The following GNB5 variants were observed in gnomAD, a reference collection of about 807,000 sequenced individuals.
GNB5 encodes G protein subunit beta 5.
In GNB5, 37 loss-of-function variants were observed where a neutral mutation model predicts 55.3. The ratio of observed to expected loss-of-function variants is 0.67; its 90% confidence interval spans 0.51 to 0.88. The LOEUF is 0.88. GNB5 is among the 40% of genes least tolerant of loss of function. GNB5 has a pLI of 0.00. For synonymous variants in GNB5, 219 were observed against 198.5 expected, an observed-to-expected ratio of 1.10 and a Z score of -0.87; for missense variants, 476 against 515.3, an observed-to-expected ratio of 0.92 and a Z score of 0.74.
At chr15:52,149,803 G>A in intron 5 of GNB5, 81 bp downstream of exon 5, 1 of 1,011,258 alleles carries the variant, frequency 9.9e-7, no homozygotes, top group South Asian at 1.3e-5. Context: ...ATCAGGACAG[G>A]GCCGGGCAGC....
At chr15:52,162,653 C>T (rs979275626) in intron 3 of GNB5, 6 of 151,896 alleles carry the variant, frequency 4.0e-5, no homozygotes, top group African/African-American at 1.5e-4. Flanking sequence ...TTAAAGGAAT[C>T]AAGGAGAAAA....
chr15:52,157,786 A>T (rs958408049), intron 3 of GNB5, among the ~76,000 whole-genome samples: 5 of 151,482 alleles, frequency 3.3e-5, no homozygotes, highest in African/African-American at 1.2e-4. Flanking sequence ...TTCTCACTAC[A>T]TTTTTTCTTC....
At chr15:52,137,665 T>C (rs996467556) in intron 7 of GNB5, 3 of 1,164,404 alleles carry the variant, frequency 2.6e-6, no homozygotes, top group Non-Finnish European at 2.2e-6. Context: ...TCACTGCCAG[T>C]GTGTATGAGG....
chr15:52,170,934 T>TAA (rs35962330), intron 3 of GNB5, among the ~76,000 whole-genome samples: 1 of 147,190 alleles, frequency 6.8e-6, no homozygotes, highest in African/African-American at 2.5e-5. Context: ...GGCTAAACTA[T>TAA]AAAAAAAAAA....
chr15:52,124,648 A>G lies in GNB5; in HGVS notation c.1010-9T>C. On this transcript the variant is annotated splice_polypyrimidine_tract_variant and intron_variant, in intron 11 of 12. Coordinates refer to ENST00000261837, the MANE Select transcript of GNB5 (RefSeq NM_016194.4). ...AGCAAACAGCAGGCGACCTTGAAGC[A>G]GGGTGAGATGATAGCTGTTAAGCCA... 3 of 1,612,336 alleles carry G rather than the reference A, an allele frequency of 1.9e-6. No homozygotes were observed. The highest frequency in any genetic ancestry group is 2.5e-6 in the Non-Finnish European group (3 of 1,178,712).
chr15:52,125,525 C>T (rs1367106022), intron 11 of GNB5: 6 of 154,370 alleles, frequency 3.9e-5, no homozygotes, highest in African/African-American at 1.4e-4. Context: ...CAAGTGATCG[C>T]CTGTCTCGGC....
intron 7 of GNB5, 198 bp from the exon 8 acceptor site, chr15:52,135,954 A>T: frequency 1.9e-6 from 1 of 521,924 alleles, no homozygotes; most frequent in East Asian, 3.7e-5. Flanking sequence ...AGAAGGAAAG[A>T]GTGCATTTCC....
chr15:52,139,765 C>G, intron 7 of GNB5: 1 of 1,200,328 alleles, frequency 8.3e-7, no homozygotes, highest in Non-Finnish European at 1.1e-6. Context: ...TGTGACTTCC[C>G]TTTATCTCCG....
intron 6 of GNB5, among the ~76,000 whole-genome samples, chr15:52,146,981 G>A (rs2033990732): frequency 6.6e-6 from 1 of 152,042 alleles, no homozygotes; most frequent in African/African-American, 2.4e-5. Flanking sequence ...CCTGGATGTG[G>A]AGTCACCAGA....
At chr15:52,129,119 C>T (rs551260821) in intron 9 of GNB5, among the ~76,000 whole-genome samples, 1 of 152,124 alleles carries the variant, frequency 6.6e-6, no homozygotes, top group East Asian at 1.9e-4. Context: ...CTATGCCTGG[C>T]TAATTTTTGT....
At position 52,157,055 on chromosome 15, in the gene GNB5, C is replaced by A. The variant is rs566371233; in HGVS notation, c.239-2979G>T. 1.5e-4 allele frequency among the ~76,000 whole-genome samples: 22 copies of A among 151,046 alleles called. No homozygotes were observed. In the East Asian group the frequency reaches 4.1e-3, roughly 28 times the overall value. On this transcript the variant is annotated intron_variant, in intron 3 of 12. Transcript: ENST00000261837. ...GGTTCACGCCATTCTCCTGCCTCAGCCTCCCAAGTAGCTAGGACTACAGGC... is the reference window on the plus strand; with the variant it reads ...GGTTCACGCCATTCTCCTGCCTCAGACTCCCAAGTAGCTAGGACTACAGGC...
chr15:52,123,550 T>TG (rs1246155308), intron 12 of GNB5: 1 of 152,110 alleles, frequency 6.6e-6, no homozygotes, highest in East Asian at 1.9e-4. Context: ...CTACTTTTTT[T>TG]TTTTTTTTTT....
intron 3 of GNB5, among the ~76,000 whole-genome samples, chr15:52,168,068 G>A (rs2034484078): frequency 6.6e-6 from 1 of 152,172 alleles, no homozygotes; most frequent in East Asian, 1.9e-4. Flanking sequence ...GCAAAAGCTG[G>A]AAGCATTCCC....
chr15:52,160,050 C>T lies in GNB5; in HGVS notation c.239-5974G>A, dbSNP rs995515376. 1.5e-4 allele frequency among the ~76,000 whole-genome samples: 22 copies of T among 151,500 alleles called. 1 individual carries two copies. The highest frequency in any genetic ancestry group is 6.3e-3 in the Middle Eastern group (2 of 316). On this transcript the variant is annotated intron_variant, in intron 3 of 12. Coordinates refer to ENST00000261837, the MANE Select transcript of GNB5 (RefSeq NM_016194.4). Reference sequence around the variant, plus strand: ...GTAACCTCTGCCTCCTGGGTTCAAGCGATTCTCCTGTCTCAGCCTCCTGAG... The same window carrying T: ...GTAACCTCTGCCTCCTGGGTTCAAGTGATTCTCCTGTCTCAGCCTCCTGAG...
chr15:52,173,461 A>T (rs950823620), intron 3 of GNB5, among the ~76,000 whole-genome samples: 1 of 152,246 alleles, frequency 6.6e-6, no homozygotes, highest in Non-Finnish European at 1.5e-5. Flanking sequence ...AACTAGGCAA[A>T]GAAGTGGGAG....
At chr15:52,128,151 T>A in intron 10 of GNB5, 45 bp downstream of exon 10, 2 of 1,249,772 alleles carry the variant, frequency 1.6e-6, no homozygotes, top group South Asian at 1.2e-5. Context: ...AGTTAGCAGA[T>A]CCCTCTATTG....
In GNB5 at chr15:52,120,623, C is replaced by CAA. The variant is rs10664102; in HGVS notation, c.*2132_*2133dup. On this transcript the variant is annotated 3_prime_UTR_variant, in exon 13 of 13. Coordinates refer to ENST00000261837, the MANE Select transcript of GNB5 (RefSeq NM_016194.4). The stretch of plus-strand genomic sequence containing the variant: ...GGAGCCGGAAGGCACAGTGCAGAGA[C>CAA]AAAAAAAAAAATGGCTGTGGGAGAG... 44,125 of 148,100 alleles carry CAA rather than the reference C, an allele frequency of 0.3. 10,231 individuals are homozygous for CAA. Among genetic ancestry groups the CAA allele is most frequent in the African/African-American group, 0.66 (26,641 of 40,616 alleles). The allele number at this position is 148,100 out of a possible 1,614,324, so 9.2% of individuals were successfully genotyped here.
chr15:52,172,483 A>T (rs1279174835), intron 3 of GNB5, among the ~76,000 whole-genome samples: 2 of 151,986 alleles, frequency 1.3e-5, no homozygotes, highest in Non-Finnish European at 2.9e-5. Context: ...CCCTTATTAT[A>T]AAAAGCAGTA....
At position 52,122,694 on chromosome 15, in the gene GNB5, T is replaced by C. The variant is rs2033301925; in HGVS notation, c.*63A>G. ...AAACTCTAAGCTCCTCTAGAAGTAA[T>C]ATCTATTTACATGTGAAGATTTCAA... On this transcript the variant is annotated 3_prime_UTR_variant, in exon 13 of 13. Coordinates refer to ENST00000261837, the MANE Select transcript of GNB5 (RefSeq NM_016194.4). The C allele has an allele frequency of 2.3e-6, 3 of 1,302,458 alleles. No individual in the cohort carries two copies. Among genetic ancestry groups the C allele is most frequent in the Middle Eastern group, 1.8e-4 (1 of 5,518 alleles). 80.7% of individuals were successfully genotyped at this position (1,302,458 alleles called of 1,614,324 possible).
Sources: allele counts gnomAD v4.1 joint callset (sites outside exome capture counted in the v4.1 genomes callset), GRCh38; gene constraint gnomAD v4.1.1; transcripts MANE v1.5; gene names NCBI Gene and HGNC (gene_info 2026-07-23, HGNC 2026-07-21).